The following LOXHD1 variants were observed in gnomAD, a reference collection of about 807,000 sequenced individuals.
LOXHD1 encodes the protein lipoxygenase homology domain-containing protein 1.
A neutral mutation model predicts 248.2 loss-of-function variants in LOXHD1; 205 were observed. The ratio of observed to expected loss-of-function variants is 0.83; its 90% confidence interval spans 0.74 to 0.93. The LOEUF (loss-of-function observed/expected upper bound fraction) is 0.93, where lower values mean the gene tolerates loss of function less well. Among genes scored for constraint, LOXHD1 ranks in the 40% least tolerant of loss-of-function variants. The pLI is 0.00. For synonymous variants in LOXHD1, 1,113 were observed against 1,162.8 expected, an observed-to-expected ratio of 0.96 and a Z score of 0.87; for missense variants, 2,930 against 2,971.6, an observed-to-expected ratio of 0.99 and a Z score of 0.33.
intron 33 of LOXHD1, among the ~76,000 whole-genome samples, chr18:46,519,370 A>G (rs1414984611): frequency 2.6e-5 from 4 of 152,188 alleles, no homozygotes; most frequent in African/African-American, 9.7e-5. Flanking sequence ...GGAGCTATTA[A>G]TCACAGCGGT....
At chr18:46,558,595 A>G (rs79038545) in intron 20 of LOXHD1, among the ~76,000 whole-genome samples, 6,419 of 152,306 alleles carry the variant, frequency 0.042, 175 homozygotes, top group South Asian at 0.096. Flanking sequence ...AAATCAAGAA[A>G]TGAGCCCAGA....
Position 46,524,820 on chromosome 18 carries a change from T to C in LOXHD1, c.4628A>G (p.Glu1543Gly). Residue 1543 changes from glutamate to glycine, a missense_variant, in exon 30 of 41, where the codon GAG becomes GGG. Transcript: ENST00000642948. ...NSKWCADWYVEKVEIWNDTNE... is the reference protein window; with the variant it reads ...NSKWCADWYVGKVEIWNDTNE... ...GGTGTCATTCCAGATCTCCACCTTC[T>C]CCACGTACCAGTCTGCGCACCACTT... is the stretch of plus-strand genomic sequence containing the variant. The C allele has an allele frequency of 6.4e-7, 1 of 1,551,750 alleles. No homozygotes were observed. Among genetic ancestry groups the C allele is most frequent in the Non-Finnish European group, 8.7e-7 (1 of 1,147,010 alleles).
chr18:46,623,439 A>T (rs1261953035), intron 4 of LOXHD1, among the ~76,000 whole-genome samples: 9 of 152,348 alleles, frequency 5.9e-5, no homozygotes, highest in Middle Eastern at 6.8e-3. Context: ...AGCTAAACAC[A>T]TGGTACCTTT....
intron 4 of LOXHD1, among the ~76,000 whole-genome samples, chr18:46,624,736 C>G (rs1398665893): frequency 6.6e-6 from 1 of 152,164 alleles, no homozygotes; most frequent in Non-Finnish European, 1.5e-5. Context: ...GGACCACACA[C>G]AAGGCACTGG....
chr18:46,501,820 T>C (rs1450431), intron 37 of LOXHD1, among the ~76,000 whole-genome samples: 7,390 of 152,186 alleles, frequency 0.049, 284 homozygotes, highest in East Asian at 0.2. Context: ...ACTGAGGGGA[T>C]TGTTAGGCCT....
chr18:46,601,238 G>A lies in LOXHD1; in HGVS notation c.1113C>T (p.Asn371=), dbSNP rs2038331953. 2 of 1,551,676 alleles carry A rather than the reference G, an allele frequency of 1.3e-6. No homozygotes were observed. The highest frequency in any genetic ancestry group is 4.9e-5 in the East Asian group (2 of 40,916). The change falls in exon 8 of 41, where the codon AAC becomes AAT. Residue 371 remains asparagine (N), a synonymous_variant. Coordinates refer to ENST00000642948, the MANE Select transcript of LOXHD1 (RefSeq NM_001384474.1). ...VSVGHGNVGV[N]RGWFCEKVVI... Reference sequence around the variant, plus strand: ...TTACCTTCTCACAGAACCAGCCTCTGTTGACACCCACATTGCCATGCCCGA... The same window carrying A: ...TTACCTTCTCACAGAACCAGCCTCTATTGACACCCACATTGCCATGCCCGA...
chr18:46,489,717 A>C (rs748074), intron 37 of LOXHD1, among the ~76,000 whole-genome samples: 53,610 of 152,142 alleles, frequency 0.35, 10,045 homozygotes, highest in East Asian at 0.75. Flanking sequence ...GTGGCCACAC[A>C]CTGTCCACCT....
chr18:46,655,074 A>G (rs1237075267), intron 1 of LOXHD1, among the ~76,000 whole-genome samples: 2 of 152,246 alleles, frequency 1.3e-5, no homozygotes, highest in African/African-American at 4.8e-5. Context: ...CATGAAGATG[A>G]AATTAGTTAA....
intron 21 of LOXHD1, among the ~76,000 whole-genome samples, chr18:46,550,541 C>T (rs1472160439): frequency 7.1e-6 from 1 of 141,344 alleles, no homozygotes; most frequent in Non-Finnish European, 1.5e-5. Flanking sequence ...CCACTGCAGT[C>T]CGCAGTCCGG....
In LOXHD1 at chr18:46,541,865, C is replaced by A. The variant is rs978325303; in HGVS notation, c.3824G>T (p.Cys1275Phe). 3.9e-6 allele frequency: 6 copies of A among 1,551,622 alleles called. No homozygotes were observed. Among genetic ancestry groups the A allele is most frequent in the Middle Eastern group, 1.7e-4 (1 of 6,014 alleles). Reference sequence around the variant, plus strand: ...TTCGTTTTTGGCCAGCCAGCGGCCACAGGGAAACGTCATGCACTTCCCAAG... The same window carrying A: ...TTCGTTTTTGGCCAGCCAGCGGCCAAAGGGAAACGTCATGCACTTCCCAAG... Reference protein sequence around the residue: ...PSLGKCMTFPCGRWLAKNEDD... With the variant: ...PSLGKCMTFPFGRWLAKNEDD... The change falls in exon 25 of 41, where the codon TGT becomes TTT. Residue 1275 changes from cysteine (C) to phenylalanine (F), a missense_variant. Transcript: ENST00000642948.
chr18:46,627,589 C>T (rs2038760232), intron 4 of LOXHD1, among the ~76,000 whole-genome samples: 1 of 152,156 alleles, frequency 6.6e-6, no homozygotes, highest in African/African-American at 2.4e-5. Flanking sequence ...TACACAATTC[C>T]ATGCATTCTC....
At chr18:46,557,909 G>C in intron 20 of LOXHD1, 1 of 1,078,842 alleles carries the variant, frequency 9.3e-7, no homozygotes, top group African/African-American at 1.6e-5. Context: ...TACCTGCTAT[G>C]AGCTGGTGCT....
intron 33 of LOXHD1, 144 bp from the exon 34 acceptor site, chr18:46,518,400 C>T (rs745667502): frequency 1.6e-5 from 17 of 1,036,062 alleles, no homozygotes; most frequent in Admixed American, 2.6e-5. Flanking sequence ...ACTGTAAATG[C>T]CTGGACAGCA....
In LOXHD1 at chr18:46,519,263, C is replaced by A. The variant is rs565352638; in HGVS notation, c.5272-1007G>T. Among the ~76,000 whole-genome samples the A allele has an allele frequency of 4.6e-5, 7 of 152,340 alleles. No individual in the cohort carries two copies. In the South Asian group the frequency reaches 1.2e-3, roughly 27 times the overall value. On this transcript the variant is annotated intron_variant, in intron 33 of 40. Coordinates refer to ENST00000642948, the MANE Select transcript of LOXHD1 (RefSeq NM_001384474.1). ...TCTTGACTGTCTCCTTTGAACGTAC[C>A]TGGTCCAGTGTGTCCCTTCTCTGGA...
intron 29 of LOXHD1, 85 bp from the exon 30 acceptor site, chr18:46,525,002 C>T (rs891389237): frequency 4.0e-5 from 58 of 1,442,928 alleles, no homozygotes; most frequent in Non-Finnish European, 5.2e-5. Context: ...GACCTTCCTT[C>T]CCCCTCAGTT....
At chr18:46,645,416 C>T (rs992198730) in intron 2 of LOXHD1, among the ~76,000 whole-genome samples, 10 of 152,164 alleles carry the variant, frequency 6.6e-5, no homozygotes, top group African/African-American at 2.2e-4. Context: ...GCAGAGCCAT[C>T]GGGCTAAAAT....
chr18:46,534,296 G>C, intron 27 of LOXHD1, 39 bp downstream of exon 27: 1 of 1,458,602 alleles, frequency 6.9e-7, no homozygotes, highest in Non-Finnish European at 9.4e-7. Context: ...TCTGGAAAGG[G>C]ACAAAAGAAA....
chr18:46,637,608 T>C (rs1162153272), intron 4 of LOXHD1, among the ~76,000 whole-genome samples: 1 of 152,022 alleles, frequency 6.6e-6, no homozygotes, highest in Non-Finnish European at 1.5e-5. Flanking sequence ...ATTCTTTCTC[T>C]CTCTCTCTCA....
At chr18:46,562,276 C>T (rs556009498) in intron 18 of LOXHD1, among the ~76,000 whole-genome samples, 30 of 152,328 alleles carry the variant, frequency 2.0e-4, no homozygotes, top group Middle Eastern at 6.8e-3. Context: ...CCCTGGGCAC[C>T]GGGTAAGGAC....
Sources: gnomAD v4.1 joint callset for allele counts (sites outside exome capture counted in the v4.1 genomes callset) on GRCh38, gnomAD v4.1.1 for gene constraint, MANE v1.5 for transcripts, NCBI Gene and HGNC (gene_info 2026-07-23, HGNC 2026-07-21) for gene names.